RPIA: variants seen among roughly 807,000 people sequenced by gnomAD.
RPIA encodes the protein ribose 5-phosphate isomerase A, also known as ribose-5-phosphate isomerase.
Under a neutral mutation model 37.8 loss-of-function variants are expected in RPIA, and 29 were observed. The ratio of observed to expected loss-of-function variants is 0.77; its 90% CI spans 0.57 to 1.05. RPIA has a LOEUF of 1.05. Among genes scored for constraint, RPIA ranks in the 50% least tolerant of loss-of-function variants. The probability of loss-of-function intolerance (pLI) is 0.00; values close to 1 mark genes in which losing one functional copy is unlikely to be tolerated. For synonymous variants in RPIA, 167 were observed against 157.0 expected, an observed-to-expected ratio of 1.06 and a Z score of -0.48; for missense variants, 385 against 413.6, an observed-to-expected ratio of 0.93 and a Z score of 0.60.
At chr2:88,697,640 C>CCG (rs1265008024) in intron 1 of RPIA, among the ~76,000 whole-genome samples, 1 of 152,120 alleles carries the variant, frequency 6.6e-6, no homozygotes, top group Non-Finnish European at 1.5e-5. Context: ...TAGGTAGGCT[C>CCG]CGTATTGTGA....
At chr2:88,743,828 T>C (rs1673410100) in intron 8 of RPIA, among the ~76,000 whole-genome samples, 1 of 152,190 alleles carries the variant, frequency 6.6e-6, no homozygotes, top group Non-Finnish European at 1.5e-5. Flanking sequence ...CCTTGAATGA[T>C]CTTTTGTATT....
At position 88,750,038 on chromosome 2, in the gene RPIA, A is replaced by C; in HGVS notation, c.896A>C (p.Gln299Pro). Residue 299 changes from glutamine to proline, a missense_variant, in exon 9 of 9, where the codon CAG becomes CCG. Transcript: ENST00000283646. Reference protein sequence around the residue: ...NMAERVYFGMQDGSVNMREKP... With the variant: ...NMAERVYFGMPDGSVNMREKP... Reference sequence around the variant, plus strand: ...GCTGAGAGAGTCTACTTTGGGATGCAGGATGGCTCAGTGAACATGAGGGAG... The same window carrying C: ...GCTGAGAGAGTCTACTTTGGGATGCCGGATGGCTCAGTGAACATGAGGGAG... 1 of 1,613,278 alleles carries C rather than the reference A, an allele frequency of 6.2e-7. No individual in the cohort carries two copies.
At chr2:88,692,712 G>A (rs970901973) in intron 1 of RPIA, among the ~76,000 whole-genome samples, 7 of 152,174 alleles carry the variant, frequency 4.6e-5, no homozygotes, top group Non-Finnish European at 1.0e-4. Flanking sequence ...AGGAAGCCAA[G>A]TGGAGTATGT....
At chr2:88,728,702 G>A (rs1295762864) in intron 3 of RPIA, among the ~76,000 whole-genome samples, 2 of 152,148 alleles carry the variant, frequency 1.3e-5, no homozygotes, top group Admixed American at 6.5e-5. Flanking sequence ...TGACTATAAC[G>A]TCAGTGGTGC....
intron 3 of RPIA, among the ~76,000 whole-genome samples, chr2:88,714,749 C>T (rs1277717848): frequency 6.6e-6 from 1 of 152,196 alleles, no homozygotes; most frequent in Non-Finnish European, 1.5e-5. Context: ...GTTTTCAACA[C>T]AATACCTGTG....
intron 3 of RPIA, among the ~76,000 whole-genome samples, chr2:88,700,573 G>C (rs1404894938): frequency 2.6e-5 from 4 of 152,258 alleles, no homozygotes; most frequent in African/African-American, 9.6e-5. Flanking sequence ...GATCTCCCTT[G>C]AGCCCAGGAG....
rs757315702 is a variant in RPIA at position 88,698,471 on chromosome 2, C to T, written c.286-13C>T. The T allele has an allele frequency of 5.1e-5, 82 of 1,613,680 alleles. No individual in the cohort carries two copies. Among genetic ancestry groups the T allele is most frequent in the South Asian group, 1.3e-4 (12 of 91,068 alleles). The stretch of plus-strand genomic sequence containing the variant: ...TTAATAAGTTTTGTTTTTTCTTCCC[C>T]GTTTTTTGGCAGAATAACCAAGTGC... On this transcript the variant is annotated splice_polypyrimidine_tract_variant and intron_variant, in intron 1 of 8. Transcript: ENST00000283646.
chr2:88,742,388 A>C (rs1487568802), intron 8 of RPIA, among the ~76,000 whole-genome samples: 1 of 152,098 alleles, frequency 6.6e-6, no homozygotes, highest in African/African-American at 2.4e-5. Context: ...TGGCTTCTCT[A>C]TTCTATTCCA....
At chr2:88,720,140 T>C (rs1673101244) in intron 3 of RPIA, among the ~76,000 whole-genome samples, 1 of 152,122 alleles carries the variant, frequency 6.6e-6, no homozygotes. Flanking sequence ...CTTGGTATCC[T>C]TCTCAGACCC....
At chr2:88,698,628 GTTTGGCATTGCCCT>G in intron 2 of RPIA, 84 bp downstream of exon 2, 1 of 1,269,940 alleles carries the variant, frequency 7.9e-7, no homozygotes, top group Non-Finnish European at 1.2e-6. Flanking sequence ...TGGCACACAG[GTTTGGCATTGCCCT>G]TTTGGCTTCA....
chr2:88,749,904 A>G, intron 8 of RPIA, 77 bp from the exon 9 acceptor site: 1 of 963,906 alleles, frequency 1.0e-6, no homozygotes, highest in South Asian at 1.3e-5. Context: ...AGTTGCTTCT[A>G]GTGACCCTGC....
At position 88,740,182 on chromosome 2, in the gene RPIA, T is replaced by C. The variant is rs113982994; in HGVS notation, c.838+2106T>C. 4.0e-3 allele frequency among the ~76,000 whole-genome samples: 604 copies of C among 152,260 alleles called. 2 individuals are homozygous for C. Among genetic ancestry groups the C allele is most frequent in the African/African-American group, 0.013 (536 of 41,552 alleles). On this transcript the variant is annotated intron_variant, in intron 8 of 8. Transcript: ENST00000283646. ...TGTGGCTGCCGTATAGGTGGAGTTC[T>C]TGCAGTGCCCACTAGGTGTCACTCT...
chr2:88,750,174 C>G lies in RPIA; in HGVS notation c.*96C>G. 1.3e-6 allele frequency: 1 copy of G among 766,572 alleles called. No homozygotes were observed. Among genetic ancestry groups the G allele is most frequent in the Non-Finnish European group, 2.3e-6 (1 of 441,874 alleles). The allele number at this position is 766,572 out of a possible 1,614,324, so 47.5% of individuals were successfully genotyped here. A position where few individuals can be genotyped will look rare whatever the true frequency, so the allele number is the denominator to read the frequency against. ...AGCCTTTGCCTTAATGTATCTCTGC[C>G]TGGACAACTTGTGGTGGGGGGTGGG... On this transcript the variant is annotated 3_prime_UTR_variant, in exon 9 of 9. Coordinates refer to ENST00000283646, the MANE Select transcript of RPIA (RefSeq NM_144563.3).
intron 1 of RPIA, among the ~76,000 whole-genome samples, chr2:88,693,412 G>A (rs566096684): frequency 1.3e-5 from 2 of 152,338 alleles, no homozygotes; most frequent in South Asian, 4.1e-4. Context: ...GGGGGCACCT[G>A]TTAAAATCAT....
intron 8 of RPIA, 51 bp downstream of exon 8, chr2:88,738,127 C>T: frequency 7.6e-7 from 1 of 1,324,216 alleles, no homozygotes; most frequent in Non-Finnish European, 1.1e-6. Flanking sequence ...GCCTTCATAA[C>T]TGGCCCCTAC....
intron 1 of RPIA, 104 bp downstream of exon 1, chr2:88,692,087 C>T: frequency 7.0e-7 from 1 of 1,428,744 alleles, no homozygotes; most frequent in Non-Finnish European, 9.4e-7. Context: ...CCTGGCAGGG[C>T]GGGAGCTGAG....
rs528266799 is a variant in RPIA, at chr2:88,736,861, T to C, written c.738+185T>C. ...GTTAGTTTCTGCATTCAAACTCGTGTAGACAAGACCACACTTAATACAGTG... is the reference window on the plus strand; with the variant it reads ...GTTAGTTTCTGCATTCAAACTCGTGCAGACAAGACCACACTTAATACAGTG... On this transcript the variant is annotated intron_variant, in intron 7 of 8. Transcript: ENST00000283646. Among the ~76,000 whole-genome samples, 53 of 152,346 alleles carry C rather than the reference T, an allele frequency of 3.5e-4. 1 individual carries two copies. The highest frequency in any genetic ancestry group is 1.2e-3 in the African/African-American group (51 of 41,588).
intron 1 of RPIA, among the ~76,000 whole-genome samples, chr2:88,693,451 C>T (rs1676971342): frequency 6.6e-6 from 1 of 152,190 alleles, no homozygotes; most frequent in South Asian, 2.1e-4. Context: ...GGCTTAAAGG[C>T]CATTTCCTCC....
intron 7 of RPIA, 98 bp downstream of exon 7, chr2:88,736,774 C>T: frequency 7.2e-7 from 1 of 1,387,908 alleles, no homozygotes; most frequent in Non-Finnish European, 9.8e-7. Flanking sequence ...GTGCTTCCAC[C>T]AGGCAATTGG....
Sources: gnomAD v4.1 joint callset for allele counts (sites outside exome capture counted in the v4.1 genomes callset) on GRCh38, gnomAD v4.1.1 for gene constraint, MANE v1.5 for transcripts, NCBI Gene and HGNC (gene_info 2026-07-23, HGNC 2026-07-21) for gene names.